UBAP2L: variants seen among roughly 807,000 people sequenced by gnomAD.
UBAP2L encodes ubiquitin associated protein 2 like, also known as ubiquitin-associated protein 2-like.
Under a neutral mutation model 130.6 loss-of-function variants are expected in UBAP2L, and 12 were observed. That is an observed-to-expected ratio of 0.09 (90% CI 0.06 to 0.15). The LOEUF is 0.15. Among genes scored for constraint, UBAP2L ranks in the 10% least tolerant of loss-of-function variants. The pLI is 1.00. For synonymous variants in UBAP2L, 503 were observed against 524.7 expected, an observed-to-expected ratio of 0.96 and a Z score of 0.57; for missense variants, 965 against 1,332.5, an observed-to-expected ratio of 0.72 and a Z score of 4.29.
intron 15 of UBAP2L, 184 bp from the exon 16 acceptor site, chr1:154,254,652 T>C: frequency 1.6e-6 from 1 of 635,862 alleles, no homozygotes; most frequent in South Asian, 2.1e-5. Flanking sequence ...TTTTGTTGTT[T>C]AATTTTTGTT....
chr1:154,270,770 GTT>G lies in UBAP2L; in HGVS notation c.*490_*491del, dbSNP rs370017648. ...AATTAGTTGAAGTGGTTTTTTTTTT[GTT>G]TTTTTTTTTTTTTTGTACTGTGTCC... On this transcript the variant is annotated 3_prime_UTR_variant, in exon 27 of 27. Coordinates refer to ENST00000428931, the MANE Select transcript of UBAP2L (RefSeq NM_014847.4). The G allele has an allele frequency of 7.6e-4, 698 of 917,642 alleles. No homozygotes were observed. Among genetic ancestry groups the G allele is most frequent in the East Asian group, 3.1e-3 (35 of 11,186 alleles). 56.8% of individuals were successfully genotyped at this position (917,642 alleles called of 1,614,324 possible).
chr1:154,269,312 A>T (rs146339018), intron 26 of UBAP2L: 5 of 1,351,850 alleles, frequency 3.7e-6, no homozygotes, highest in Non-Finnish European at 4.9e-6. Context: ...GTGGAGTTCT[A>T]TTGTCAAAGT....
At chr1:154,262,093 ATAGC>A (rs1327448980) in intron 24 of UBAP2L, among the ~76,000 whole-genome samples, 9 of 152,222 alleles carry the variant, frequency 5.9e-5, no homozygotes, top group Non-Finnish European at 1.0e-4. Flanking sequence ...AAATGGGTTC[ATAGC>A]TAGCAGCCTA....
downstream of UBAP2L, chr1:154,270,953 G>A: frequency 6.5e-7 from 1 of 1,548,012 alleles, no homozygotes; most frequent in Non-Finnish European, 8.7e-7. Flanking sequence ...CCTCTAGCAG[G>A]CCCCTGAAGG....
At chr1:154,260,434 G>C (rs1681170730) in intron 22 of UBAP2L, among the ~76,000 whole-genome samples, 1 of 152,162 alleles carries the variant, frequency 6.6e-6, no homozygotes, top group Admixed American at 6.5e-5. Flanking sequence ...GCTCATCTCT[G>C]CCCCTTTATG....
At chr1:154,235,789 T>G (rs1021908450) in intron 6 of UBAP2L, among the ~76,000 whole-genome samples, 2 of 152,150 alleles carry the variant, frequency 1.3e-5, no homozygotes, top group African/African-American at 4.8e-5. Flanking sequence ...TTTGTAGAGA[T>G]GGAGTCTCAA....
At chr1:154,223,944 A>G (rs767190067) in intron 1 of UBAP2L, among the ~76,000 whole-genome samples, 33 of 152,234 alleles carry the variant, frequency 2.2e-4, no homozygotes, top group African/African-American at 4.8e-5. Context: ...GCAGAAAAGT[A>G]TAAACTTACC....
chr1:154,226,945 C>G (rs1205057217), intron 2 of UBAP2L, among the ~76,000 whole-genome samples: 1 of 152,212 alleles, frequency 6.6e-6, no homozygotes, highest in Non-Finnish European at 1.5e-5. Context: ...GCCTCAGCCT[C>G]CCGAGTAGCT....
chr1:154,234,691 A>T lies in UBAP2L; in HGVS notation c.380A>T (p.Asp127Val). Residue 127 changes from aspartate to valine, a missense_variant, in exon 5 of 27, where the codon GAC becomes GTC. Physicochemically the swap from Asp to Val is radical, Grantham distance 152. Around this residue, in one of 9 missense-constraint regions of UBAP2L, gnomAD observed 109 missense variants for 146.6 expected, o/e 0.74. Coordinates refer to ENST00000428931, the MANE Select transcript of UBAP2L (RefSeq NM_014847.4). Reference sequence around the variant, plus strand: ...GAAGGCAAAGAAAATCGAGACCGGGACAGAGACTATAGTCGGCGACGTGGT... The same window carrying T: ...GAAGGCAAAGAAAATCGAGACCGGGTCAGAGACTATAGTCGGCGACGTGGT... The part of the protein sequence containing the change: ...NEEGKENRDR[D>V]RDYSRRRGGP... 6.2e-7 allele frequency: 1 copy of T among 1,613,896 alleles called. No homozygotes were observed.
In UBAP2L at chr1:154,255,227, C is replaced by T. The variant is rs1189909769; in HGVS notation, c.1985C>T (p.Ala662Val). The T allele has an allele frequency of 1.9e-6, 3 of 1,614,202 alleles. No homozygotes were observed. In the Middle Eastern group the frequency reaches 4.9e-4, roughly 266 times the overall value. The change falls in exon 17 of 27, where the codon GCA becomes GTA. Residue 662 changes from alanine (A) to valine (V), a missense_variant. Physicochemically the swap from Ala to Val is moderately conservative, Grantham distance 64. Transcript: ENST00000428931. Reference sequence around the variant, plus strand: ...CCCCCTCTCAATGAAACGGTATCTGCAGCTTCCTTACTGACGACAACCAAT... The same window carrying T: ...CCCCCTCTCAATGAAACGGTATCTGTAGCTTCCTTACTGACGACAACCAAT... ...SIPPLNETVSAASLLTTTNQH... is the reference protein window; with the variant it reads ...SIPPLNETVSVASLLTTTNQH...
chr1:154,271,244 T>A (rs747602904), downstream of UBAP2L: 92 of 307,924 alleles, frequency 3.0e-4, no homozygotes, highest in Non-Finnish European at 2.5e-4. Flanking sequence ...TTATAGAGTT[T>A]TAAGTATGAC....
intron 20 of UBAP2L, 120 bp from the exon 21 acceptor site, chr1:154,258,857 G>C (rs1026628878): frequency 4.0e-6 from 3 of 740,874 alleles, no homozygotes; most frequent in African/African-American, 3.6e-5. Context: ...GAAATAATCC[G>C]TGTCCTGTTC....
At position 154,257,171 on chromosome 1, in the gene UBAP2L, C is replaced by T; in HGVS notation, c.2266C>T (p.Leu756Phe). The T allele has an allele frequency of 6.2e-7, 1 of 1,614,242 alleles. No homozygotes were observed. The highest frequency in any genetic ancestry group is 1.1e-5 in the South Asian group (1 of 91,086). The part of the protein sequence containing the change: ...PPPVVSVSSS[L>F]NSGSSLGLSL... ...CCCAGTGGTCAGTGTCTCCTCCAGT[C>T]TCAATAGTGGCAGTAGCCTGGGCCT... The change falls in exon 19 of 27, where the codon CTC becomes TTC. Residue 756 changes from leucine to phenylalanine, a missense_variant. Physicochemically the swap from Leu to Phe is conservative, Grantham distance 22 (BLOSUM62 0). Around this residue, in one of 9 missense-constraint regions of UBAP2L, gnomAD observed 393 missense variants for 408.1 expected, o/e 0.96. Transcript: ENST00000428931.
At chr1:154,222,946 C>T (rs554594272) in intron 1 of UBAP2L, among the ~76,000 whole-genome samples, 1 of 152,220 alleles carries the variant, frequency 6.6e-6, no homozygotes, top group African/African-American at 2.4e-5. Context: ...TACTTCTCAC[C>T]CTACTTCCTT....
intron 8 of UBAP2L, 52 bp downstream of exon 8, chr1:154,237,188 G>GT (rs766710975): frequency 6.7e-6 from 10 of 1,502,190 alleles, no homozygotes; most frequent in African/African-American, 5.5e-5. Flanking sequence ...TAAGGAAATA[G>GT]TTTTTTCTGA....
intron 4 of UBAP2L, among the ~76,000 whole-genome samples, chr1:154,230,183 T>C (rs1231834097): frequency 2.0e-5 from 3 of 152,168 alleles, no homozygotes; most frequent in Non-Finnish European, 4.4e-5. Flanking sequence ...ATTTTTTGTA[T>C]TTTAGTGGAG....
intron 25 of UBAP2L, among the ~76,000 whole-genome samples, chr1:154,268,193 T>G (rs1398435869): frequency 6.6e-6 from 1 of 151,424 alleles, no homozygotes; most frequent in South Asian, 2.1e-4. Context: ...CCAGCCTTTT[T>G]TTTTCTTTTT....
At chr1:154,260,853 G>C in intron 22 of UBAP2L, 39 bp from the exon 23 acceptor site, 9 of 1,590,936 alleles carry the variant, frequency 5.7e-6, no homozygotes, top group Non-Finnish European at 7.8e-6. Context: ...TTGGTATTGG[G>C]GTGAAAGAGG....
chr1:154,268,691 C>T (rs570422057), intron 25 of UBAP2L, 66 bp from the exon 26 acceptor site: 1,105 of 1,542,240 alleles, frequency 7.2e-4, no homozygotes, highest in Non-Finnish European at 9.2e-4. Flanking sequence ...AGCTTGAGCT[C>T]AGGAAAAATC....
Sources: gnomAD v4.1 joint callset for allele counts (sites outside exome capture counted in the v4.1 genomes callset) on GRCh38, gnomAD v4.1.1 for gene constraint, gnomAD v4.1.1 regional missense constraint, MANE v1.5 for transcripts, NCBI Gene and HGNC (gene_info 2026-07-23, HGNC 2026-07-21) for gene names.